The following PKHD1L1 variants were observed in gnomAD, a reference collection of about 807,000 sequenced individuals.
PKHD1L1 encodes fibrocystin-L.
Under a neutral mutation model 462.9 loss-of-function variants are expected in PKHD1L1, and 434 were observed. The observed-to-expected ratio is 0.94, with a 90% CI of 0.87 to 1.02. The LOEUF (loss-of-function observed/expected upper bound fraction) is 1.02, where lower values mean the gene tolerates loss of function less well. PKHD1L1 is among the 50% of genes least tolerant of loss of function. PKHD1L1 has a pLI of 0.00. For synonymous variants in PKHD1L1, 1,781 were observed against 1,750.0 expected (o/e 1.02, Z -0.44); for missense variants, 5,202 against 5,096.1 (o/e 1.02, Z -0.63).
chr8:109,446,755 A>T (rs1345627908), intron 38 of PKHD1L1, among the ~76,000 whole-genome samples: 1 of 151,792 alleles, frequency 6.6e-6, no homozygotes, highest in South Asian at 2.1e-4. Context: ...TTTTTTTTTC[A>T]AAACAATGTA....
intron 21 of PKHD1L1, 144 bp downstream of exon 21, chr8:109,413,689 C>A: frequency 4.0e-6 from 2 of 498,890 alleles, no homozygotes; most frequent in African/African-American, 2.0e-5. Context: ...ATGTAAATGG[C>A]AGTTTTCCTA....
chr8:109,529,642 G>A (rs1466723122), intron 77 of PKHD1L1, among the ~76,000 whole-genome samples: 1 of 151,820 alleles, frequency 6.6e-6, no homozygotes, highest in Non-Finnish European at 1.5e-5. Context: ...TTTTTTCCAG[G>A]AACTTTTCCA....
At position 109,443,785 on chromosome 8, in the gene PKHD1L1, T is replaced by A; in HGVS notation, c.4674T>A (p.Phe1558Leu). 4 of 1,613,874 alleles carry A rather than the reference T, an allele frequency of 2.5e-6. No homozygotes were observed. Among genetic ancestry groups the A allele is most frequent in the Non-Finnish European group, 3.4e-6 (4 of 1,179,776 alleles). Residue 1558 changes from phenylalanine (F) to leucine (L), a missense_variant, in exon 37 of 78, where the codon TTT becomes TTA. Phe to Leu is a conservative substitution (Grantham distance 22). Around this residue, in one of 3 missense-constraint regions of PKHD1L1, gnomAD observed 4,497 missense variants for 4,336.8 expected, o/e 1.04. Transcript: ENST00000378402. Reference sequence around the variant, plus strand: ...TTAAAAATTCAAAAAGATTGCTATTTGAGGTTTCAAGTTGTTTTTCACCAT... The same window carrying A: ...TTAAAAATTCAAAAAGATTGCTATTAGAGGTTTCAAGTTGTTTTTCACCAT... Reference protein sequence around the residue: ...TRVKNSKRLLFEVSSCFSPSI... With the variant: ...TRVKNSKRLLLEVSSCFSPSI...
At chr8:109,444,144 T>A (rs1256285352) in intron 37 of PKHD1L1, among the ~76,000 whole-genome samples, 3 of 150,692 alleles carry the variant, frequency 2.0e-5, no homozygotes, top group Admixed American at 2.0e-4. Flanking sequence ...CCTAAAGCCC[T>A]TAGATATCAC....
intron 4 of PKHD1L1, 53 bp downstream of exon 4, chr8:109,382,624 C>A (rs1812185767): frequency 1.4e-6 from 2 of 1,433,330 alleles, no homozygotes; most frequent in African/African-American, 2.9e-5. Context: ...GCTTTCTTTC[C>A]TGCAGAACTG....
intron 71 of PKHD1L1, among the ~76,000 whole-genome samples, chr8:109,511,356 C>A (rs1819970777): frequency 8.2e-6 from 1 of 121,334 alleles, no homozygotes; most frequent in Non-Finnish European, 1.7e-5. Flanking sequence ...CCCCCCACCC[C>A]ACAACAGTCC....
At chr8:109,375,609 GT>G (rs1437881807) in intron 2 of PKHD1L1, among the ~76,000 whole-genome samples, 16 of 152,098 alleles carry the variant, frequency 1.1e-4, no homozygotes, top group East Asian at 3.9e-4. Flanking sequence ...TTTCTGCTCT[GT>G]TTTTTCCCCA....
At chr8:109,484,896 G>A in intron 57 of PKHD1L1, 148 bp from the exon 58 acceptor site, 6 of 553,282 alleles carry the variant, frequency 1.1e-5, no homozygotes, top group Non-Finnish European at 1.5e-5. Context: ...TATACCTTTA[G>A]AGACTTCAAT....
At chr8:109,435,512 C>G (rs893647291) in intron 29 of PKHD1L1, among the ~76,000 whole-genome samples, 158 bp downstream of exon 29, 2 of 151,860 alleles carry the variant, frequency 1.3e-5, no homozygotes, top group Admixed American at 6.6e-5. Flanking sequence ...AAATGGCTGA[C>G]TAATTCTTTT....
chr8:109,451,704 C>A (rs1316105294), intron 41 of PKHD1L1, among the ~76,000 whole-genome samples: 1 of 152,182 alleles, frequency 6.6e-6, no homozygotes, highest in African/African-American at 2.4e-5. Context: ...CTCATTGTAA[C>A]TCCTCAAGCA....
chr8:109,452,057 G>C (rs530731789), intron 41 of PKHD1L1, 67 bp from the exon 42 acceptor site: 3 of 1,425,718 alleles, frequency 2.1e-6, no homozygotes, highest in Middle Eastern at 2.2e-4. Flanking sequence ...AGGAATAAAA[G>C]GGTTTGACAG....
chr8:109,431,770 C>G (rs930097180), intron 27 of PKHD1L1, among the ~76,000 whole-genome samples: 1 of 152,156 alleles, frequency 6.6e-6, no homozygotes, highest in Non-Finnish European at 1.5e-5. Context: ...ACCAATAAGA[C>G]TATATTGAAC....
At chr8:109,492,102 G>T (rs767370700) in intron 62 of PKHD1L1, 108 bp downstream of exon 62, 22 of 936,084 alleles carry the variant, frequency 2.4e-5, no homozygotes, top group Non-Finnish European at 3.2e-5. Context: ...TTAAAAAGAT[G>T]ATGTAAGTTT....
intron 21 of PKHD1L1, among the ~76,000 whole-genome samples, chr8:109,418,333 G>A (rs1318116516): frequency 6.6e-6 from 1 of 151,988 alleles, no homozygotes; most frequent in African/African-American, 2.4e-5. Flanking sequence ...AGCTAGAGGT[G>A]GATCCCATGA....
chr8:109,446,292 A>G (rs1816135756), intron 38 of PKHD1L1, among the ~76,000 whole-genome samples: 1 of 152,174 alleles, frequency 6.6e-6, no homozygotes, highest in African/African-American at 2.4e-5. Context: ...AATTCCGGAG[A>G]GGAAGCTATA....
rs565630546 is a variant in PKHD1L1, at chr8:109,376,428, C to A, written c.164-4942C>A. On this transcript the variant is annotated intron_variant, in intron 2 of 77. Transcript: ENST00000378402. ...CTTTCTTTGACTAGGAAAGGGAATT[C>A]CCTGACCTCTTGTGCTTCCCGGGTG... Among the ~76,000 whole-genome samples the A allele has an allele frequency of 2.0e-5, 3 of 152,318 alleles. No individual in the cohort carries two copies. The East Asian group carries it at 5.8e-4, about 29-fold the overall frequency.
chr8:109,483,666 G>T (rs1424109590), intron 57 of PKHD1L1, among the ~76,000 whole-genome samples: 2 of 150,420 alleles, frequency 1.3e-5, no homozygotes, highest in African/African-American at 4.9e-5. Flanking sequence ...AGTCATAAAA[G>T]AAAAATATGA....
chr8:109,459,405 T>C (rs1041697235), intron 46 of PKHD1L1, among the ~76,000 whole-genome samples, 190 bp from the exon 47 acceptor site: 2 of 151,430 alleles, frequency 1.3e-5, no homozygotes, highest in African/African-American at 2.4e-5. Flanking sequence ...TTGAATTGAA[T>C]ATATTTGTAA....
intron 73 of PKHD1L1, among the ~76,000 whole-genome samples, chr8:109,519,672 C>T (rs1820449148): frequency 6.6e-6 from 1 of 152,154 alleles, no homozygotes. Context: ...GCTTACACTT[C>T]AAGCCCCCTC....
Sources: allele counts gnomAD v4.1 joint callset (sites outside exome capture counted in the v4.1 genomes callset), GRCh38; gene constraint gnomAD v4.1.1; regional missense constraint gnomAD v4.1.1; transcripts MANE v1.5; gene names NCBI Gene and HGNC (gene_info 2026-07-23, HGNC 2026-07-21).